GRIK2: variants seen among roughly 807,000 people sequenced by gnomAD.
GRIK2 encodes the protein glutamate ionotropic receptor kainate type subunit 2, also known as glutamate receptor ionotropic, kainate 2.
Under a neutral mutation model 100.3 loss-of-function variants are expected in GRIK2, and 32 were observed. The observed-to-expected ratio is 0.32, with a 90% CI of 0.24 to 0.43. The LOEUF is 0.43. Among genes scored for constraint, GRIK2 ranks in the 20% least tolerant of loss-of-function variants. The probability of loss-of-function intolerance (pLI) is 1.00; values close to 1 mark genes in which losing one functional copy is unlikely to be tolerated. For synonymous variants in GRIK2, 417 were observed against 389.4 expected, an observed-to-expected ratio of 1.07 and a Z score of -0.83; for missense variants, 843 against 1,114.9, an observed-to-expected ratio of 0.76 and a Z score of 3.47.
At chr6:101,522,723 G>T (rs1309201931) in intron 2 of GRIK2, among the ~76,000 whole-genome samples, 1 of 151,898 alleles carries the variant, frequency 6.6e-6, no homozygotes, top group African/African-American at 2.4e-5. Context: ...TTCTCCAGAT[G>T]CTCTCATAAC....
chr6:101,871,408 G>T (rs1431114926), intron 11 of GRIK2, among the ~76,000 whole-genome samples: 1 of 151,610 alleles, frequency 6.6e-6, no homozygotes, highest in African/African-American at 2.4e-5. Context: ...AAATTCAGGG[G>T]TTACATGTGC....
intron 4 of GRIK2, among the ~76,000 whole-genome samples, chr6:101,670,292 T>A (rs1360150639): frequency 6.6e-6 from 1 of 152,152 alleles, no homozygotes; most frequent in African/African-American, 2.4e-5. Flanking sequence ...GATAACATTT[T>A]ACTCAAATTT....
At chr6:102,035,710 G>A (rs1178105544) in intron 15 of GRIK2, 144 bp downstream of exon 15, 5 of 558,060 alleles carry the variant, frequency 9.0e-6, no homozygotes, top group Admixed American at 3.1e-5. Context: ...TATAAAAGCA[G>A]GTTATCATTT....
intron 10 of GRIK2, among the ~76,000 whole-genome samples, chr6:101,834,306 G>C (rs1371505241): frequency 6.6e-6 from 1 of 151,902 alleles, no homozygotes; most frequent in African/African-American, 2.4e-5. Flanking sequence ...CATGTTTACT[G>C]TTTAGCCATT....
intron 7 of GRIK2, among the ~76,000 whole-genome samples, chr6:101,755,267 C>T (rs1777064708): frequency 6.7e-6 from 1 of 148,872 alleles, no homozygotes; most frequent in East Asian, 2.0e-4. Flanking sequence ...CCCGGGTTCA[C>T]GCCATTCTCC....
At chr6:101,434,066 C>T (rs954339746) in intron 2 of GRIK2, among the ~76,000 whole-genome samples, 1 of 152,082 alleles carries the variant, frequency 6.6e-6, no homozygotes, top group East Asian at 1.9e-4. Flanking sequence ...TAAAGGTCAC[C>T]CTTAAATATA....
At chr6:101,931,003 T>C (rs1327534938) in intron 14 of GRIK2, among the ~76,000 whole-genome samples, 2 of 152,160 alleles carry the variant, frequency 1.3e-5, no homozygotes, top group Non-Finnish European at 2.9e-5. Context: ...AACTACCTTA[T>C]GTTGCTAATA....
chr6:101,991,985 T>C (rs1794400589), intron 14 of GRIK2, among the ~76,000 whole-genome samples: 1 of 151,618 alleles, frequency 6.6e-6, no homozygotes, highest in African/African-American at 2.4e-5. Flanking sequence ...TAGCTTTACG[T>C]TTCTGGTACT....
chr6:101,642,505 T>G (rs1330863626), intron 4 of GRIK2, among the ~76,000 whole-genome samples: 3 of 151,814 alleles, frequency 2.0e-5, no homozygotes, highest in African/African-American at 7.2e-5. Flanking sequence ...CTTTTTGTAC[T>G]GGTTTATTTC....
At chr6:101,819,921 T>C (rs181051546) in intron 10 of GRIK2, among the ~76,000 whole-genome samples, 21 of 152,296 alleles carry the variant, frequency 1.4e-4, no homozygotes, top group African/African-American at 5.1e-4. Context: ...GTTATACAGA[T>C]TGTTAGAGAA....
At chr6:102,020,229 T>TATTTA (rs1178279310) in intron 14 of GRIK2, among the ~76,000 whole-genome samples, 6 of 150,566 alleles carry the variant, frequency 4.0e-5, no homozygotes, top group African/African-American at 1.5e-4. Context: ...TTAGTTGCTT[T>TATTTA]ATTTATAGTG....
chr6:101,445,667 C>T (rs764065887), intron 2 of GRIK2, among the ~76,000 whole-genome samples: 6 of 152,050 alleles, frequency 3.9e-5, no homozygotes, highest in Admixed American at 6.6e-5. Flanking sequence ...ATTCTGTTAA[C>T]GTGGGCTATG....
chr6:101,656,707 C>T (rs1410619744), intron 4 of GRIK2, among the ~76,000 whole-genome samples: 4 of 152,148 alleles, frequency 2.6e-5, no homozygotes, highest in African/African-American at 9.7e-5. Context: ...CCAGTTAAGG[C>T]TGTATTACAT....
chr6:101,970,913 A>C lies in GRIK2; in HGVS notation c.2085+42281A>C, dbSNP rs368372806. Among the ~76,000 whole-genome samples the C allele has an allele frequency of 3.7e-4, 56 of 150,922 alleles. No homozygotes were observed. In the East Asian group the frequency reaches 8.1e-3, roughly 22 times the overall value. On this transcript the variant is annotated intron_variant, in intron 14 of 16. Transcript: ENST00000369134. The stretch of plus-strand genomic sequence containing the variant: ...AAGGCATATCCAAATGATACAAATG[A>C]CAATCATTGTCAATTAATCTTCTGT...
At chr6:101,670,226 T>G (rs1211109874) in intron 4 of GRIK2, among the ~76,000 whole-genome samples, 2 of 152,120 alleles carry the variant, frequency 1.3e-5, no homozygotes, top group African/African-American at 4.8e-5. Context: ...TTATCTAGGA[T>G]CAGTGTCTTA....
intron 2 of GRIK2, among the ~76,000 whole-genome samples, chr6:101,533,615 T>C (rs548353178): frequency 3.4e-4 from 52 of 151,952 alleles, no homozygotes; most frequent in African/African-American, 1.3e-3. Context: ...TAAATGGTCT[T>C]TTGATGTAGC....
At chr6:101,889,031 T>C (rs562267030) in intron 11 of GRIK2, among the ~76,000 whole-genome samples, 1 of 152,192 alleles carries the variant, frequency 6.6e-6, no homozygotes, top group South Asian at 2.1e-4. Context: ...TAGGCAAGGC[T>C]GCAAGGATTT....
intron 14 of GRIK2, among the ~76,000 whole-genome samples, chr6:101,975,442 T>C (rs1443144497): frequency 6.6e-6 from 1 of 151,906 alleles, no homozygotes; most frequent in Non-Finnish European, 1.5e-5. Context: ...TGGAGTGTGA[T>C]ATCAGGGAAA....
intron 14 of GRIK2, among the ~76,000 whole-genome samples, chr6:101,958,167 G>A (rs923181285): frequency 6.6e-6 from 1 of 151,158 alleles, no homozygotes; most frequent in Admixed American, 6.6e-5. Context: ...CCATTCATTT[G>A]TGTCATCTAC....
Sources: allele counts gnomAD v4.1 joint callset (sites outside exome capture counted in the v4.1 genomes callset), GRCh38; gene constraint gnomAD v4.1.1; transcripts MANE v1.5; gene names NCBI Gene and HGNC (gene_info 2026-07-23, HGNC 2026-07-21).